Variants in KRT9 observed in about 807,000 individuals in gnomAD.
KRT9 encodes the protein keratin 9.
Under a neutral mutation model 51.4 loss-of-function variants are expected in KRT9, and 34 were observed. The observed-to-expected ratio is 0.66, with a 90% CI of 0.50 to 0.88. KRT9 has a LOEUF of 0.88. Ranked by LOEUF, KRT9 falls within the 40% of genes least tolerant of loss-of-function variation. The pLI, the probability that KRT9 is intolerant of heterozygous loss-of-function variation, is 0.00. For synonymous variants in KRT9, 292 were observed against 289.7 expected (o/e 1.01, Z -0.08); for missense variants, 753 against 790.3 (o/e 0.95, Z 0.57).
intron 7 of KRT9, among the ~76,000 whole-genome samples, chr17:41,566,364 G>C (rs1053587355): frequency 6.6e-6 from 1 of 152,150 alleles, no homozygotes; most frequent in Non-Finnish European, 1.5e-5. Context: ...CCTGACAGAT[G>C]CACCCCCAAG....
In KRT9 at chr17:41,572,003, G is replaced by C; in HGVS notation, c.-11C>G. Reference sequence around the variant, plus strand: ...CTGTCTGCAGCTCATGACACAGCTGGTAGCTCACGGGTTGAGAAGCAGTGA... The same window carrying C: ...CTGTCTGCAGCTCATGACACAGCTGCTAGCTCACGGGTTGAGAAGCAGTGA... On this transcript the variant is annotated 5_prime_UTR_variant, in exon 1 of 8. Transcript: ENST00000246662. 1 of 1,568,402 alleles carries C rather than the reference G, an allele frequency of 6.4e-7. No homozygotes were observed.
intron 6 of KRT9, 99 bp downstream of exon 6, chr17:41,568,063 G>A: frequency 3.5e-6 from 4 of 1,129,290 alleles, no homozygotes. Context: ...AAGACCCTGT[G>A]TATAAGAACT....
rs1419114305 is a variant in KRT9, at chr17:41,567,757, A to C, written c.1395-7T>G. The C allele has an allele frequency of 5.6e-6, 9 of 1,614,188 alleles. No homozygotes were observed. Among genetic ancestry groups the C allele is most frequent in the Non-Finnish European group, 7.6e-6 (9 of 1,180,036 alleles). On this transcript the variant is annotated splice_polypyrimidine_tract_variant and splice_region_variant and intron_variant, in intron 6 of 7. Coordinates refer to ENST00000246662, the MANE Select transcript of KRT9 (RefSeq NM_000226.4). ...TCCAGCTCCGGAGGATTCACTAAGA[A>C]AGAAAGAAAACAAGAGAGTTAAAAT...
At position 41,570,165 on chromosome 17, in the gene KRT9, C is replaced by T. The variant is rs775722807; in HGVS notation, c.698G>A (p.Arg233His). 9 of 1,613,986 alleles carry T rather than the reference C, an allele frequency of 5.6e-6. No homozygotes were observed. Among genetic ancestry groups the T allele is most frequent in the Middle Eastern group, 1.6e-4 (1 of 6,062 alleles). ...NKTLLDIDNT[R>H]MTLDDFRIKF... ...TATCCTGAAGTCATCCAGTGTCATG[C>T]GAGTGTTGTCAATGTCCAGGAGAGT... Residue 233 changes from arginine to histidine, a missense_variant, in exon 2 of 8, where the codon CGC becomes CAC. Physicochemically the swap from Arg to His is conservative, Grantham distance 29. Around this residue, in one of 3 missense-constraint regions of KRT9, gnomAD observed 507 missense variants for 563.7 expected, o/e 0.90. Transcript: ENST00000246662.
Position 41,569,537 on chromosome 17 carries a change from T to C in KRT9, c.933A>G (p.Ile311Met). Residue 311 changes from isoleucine (I) to methionine (M), a missense_variant, in exon 4 of 8, where the codon ATA becomes ATG. Around this residue, in one of 3 missense-constraint regions of KRT9, gnomAD observed 507 missense variants for 563.7 expected, o/e 0.90. Coordinates refer to ENST00000246662, the MANE Select transcript of KRT9 (RefSeq NM_000226.4). The part of the protein sequence containing the change: ...GQNSGDVNVE[I>M]NVAPGKDLTK... The stretch of plus-strand genomic sequence containing the variant: ...TGAGATCTTTGCCAGGAGCAACGTT[T>C]ATCTCCACATTGACATCTCCACTGT... 1.2e-6 allele frequency: 2 copies of C among 1,614,168 alleles called. No individual in the cohort carries two copies. Among genetic ancestry groups the C allele is most frequent in the Non-Finnish European group, 1.7e-6 (2 of 1,180,032 alleles).
intron 7 of KRT9, among the ~76,000 whole-genome samples, chr17:41,566,707 T>A (rs747991768): frequency 2.6e-5 from 4 of 152,250 alleles, no homozygotes; most frequent in Non-Finnish European, 5.9e-5. Context: ...CTTTCTTACA[T>A]TTAGATTATG....
At chr17:41,568,911 TACACACACACACACACACACAC>T (rs5820419) in intron 4 of KRT9, among the ~76,000 whole-genome samples, 84 of 133,840 alleles carry the variant, frequency 6.3e-4, no homozygotes, top group African/African-American at 2.2e-3. Context: ...CTTTCAAACA[TACACACACACACACACACACAC>T]ACACACACAC....
chr17:41,571,476 C>A lies in KRT9; in HGVS notation c.517G>T (p.Ala173Ser), dbSNP rs963980597. 1 of 1,614,060 alleles carries A rather than the reference C, an allele frequency of 6.2e-7. No homozygotes were observed. The highest frequency in any genetic ancestry group is 8.5e-7 in the Non-Finnish European group (1 of 1,180,014). The part of the protein sequence containing the change: ...RLASYLDKVQ[A>S]LEEANNDLEN... ...AGGTCGTTGTTGGCCTCCTCTAGAG[C>A]CTGCACCTTATCCAAGTAAGAGGCC... The change falls in exon 1 of 8, where the codon GCT (alanine) becomes TCT (serine). Residue 173 changes from alanine to serine, a missense_variant. By Grantham distance (99) the Ala-to-Ser change is moderately conservative (BLOSUM62 1). Coordinates refer to ENST00000246662, the MANE Select transcript of KRT9 (RefSeq NM_000226.4).
chr17:41,569,658 G>A lies in KRT9; in HGVS notation c.883-71C>T. The A allele has an allele frequency of 5.1e-6, 8 of 1,583,010 alleles. No individual in the cohort carries two copies. In the South Asian group the frequency reaches 8.8e-5, roughly 18 times the overall value. ...CACCACCTTTCAGAATTCTCCCTCT[G>A]GTCCCCCCAGGGTACAAAAAGGGGA... is the stretch of plus-strand genomic sequence containing the variant. On this transcript the variant is annotated intron_variant, in intron 3 of 7. Coordinates refer to ENST00000246662, the MANE Select transcript of KRT9 (RefSeq NM_000226.4).
rs763859384 is a variant in KRT9, at chr17:41,568,650, T to C, written c.1045-17A>G. ...CTGGGTTATCTGCAAAACCAAAGGC[T>C]CAGTAAGCATCAGGCTGTGCCAGGA... is the stretch of plus-strand genomic sequence containing the variant. On this transcript the variant is annotated splice_polypyrimidine_tract_variant and intron_variant, in intron 4 of 7. Coordinates refer to ENST00000246662, the MANE Select transcript of KRT9 (RefSeq NM_000226.4). The C allele has an allele frequency of 6.2e-6, 10 of 1,613,878 alleles. No individual in the cohort carries two copies. The highest frequency in any genetic ancestry group is 1.3e-5 in the African/African-American group (1 of 74,838).
Position 41,571,574 on chromosome 17 carries a change from C to A in KRT9, c.419G>T (p.Gly140Val), listed in dbSNP as rs1312674331. ...AATACCACCATCACCTCCTCCAGCA[C>A]CACCTCCAAAGCCCCCAAACCCCCC... Reference protein sequence around the residue: ...GFGGFGGFGGGAGGGDGGILT... With the variant: ...GFGGFGGFGGVAGGGDGGILT... The change falls in exon 1 of 8, where the codon GGT becomes GTT. Residue 140 changes from glycine (G) to valine (V), a missense_variant. Gly to Val is a moderately radical substitution (Grantham distance 109). This residue lies in a region of KRT9 where 241 missense variants were observed against 210.3 expected (regional missense o/e 1.15). Coordinates refer to ENST00000246662, the MANE Select transcript of KRT9 (RefSeq NM_000226.4). 4 of 1,609,150 alleles carry A rather than the reference C, an allele frequency of 2.5e-6. No individual in the cohort carries two copies. In the African/African-American group the frequency reaches 4.0e-5, roughly 16 times the overall value.
Position 41,568,154 on chromosome 17 carries a change from G to C in KRT9, c.1394+8C>G, listed in dbSNP as rs761668776. 45 of 1,611,502 alleles carry C rather than the reference G, an allele frequency of 2.8e-5. 1 individual carries two copies. The Admixed American group carries it at 7.5e-4, about 27-fold the overall frequency. ...CCCAGGGGTTCCACCAAATCCTGGG[G>C]GACCTACAAGTCTTCCTGGCCTCCC... is the stretch of plus-strand genomic sequence containing the variant. On this transcript the variant is annotated splice_region_variant and intron_variant, in intron 6 of 7. Transcript: ENST00000246662.
At chr17:41,569,124 G>T (rs758137306) in intron 4 of KRT9, among the ~76,000 whole-genome samples, 1 of 152,216 alleles carries the variant, frequency 6.6e-6, no homozygotes, top group Non-Finnish European at 1.5e-5. Context: ...TTCTGCTTTT[G>T]TTCACACACA....
In KRT9 at chr17:41,569,549, G is replaced by A. The variant is rs1907002558; in HGVS notation, c.921C>T (p.Val307=). Residue 307 remains valine (V), a synonymous_variant, in exon 4 of 8, where the codon GTC becomes GTT. Coordinates refer to ENST00000246662, the MANE Select transcript of KRT9 (RefSeq NM_000226.4). ...SQLTGQNSGD[V]NVEINVAPGK... ...CAGGAGCAACGTTTATCTCCACATT[G>A]ACATCTCCACTGTTCTGCCCAGTCA... 1.2e-6 allele frequency: 2 copies of A among 1,613,956 alleles called. No individual in the cohort carries two copies. Among genetic ancestry groups the A allele is most frequent in the African/African-American group, 2.7e-5 (2 of 74,926 alleles).
At position 41,571,436 on chromosome 17, in the gene KRT9, T is replaced by C. The variant is rs1167959519; in HGVS notation, c.557A>G (p.Gln186Arg). The C allele has an allele frequency of 1.2e-6, 2 of 1,614,084 alleles. No homozygotes were observed. Among genetic ancestry groups the C allele is most frequent in the Non-Finnish European group, 1.7e-6 (2 of 1,180,002 alleles). Residue 186 changes from glutamine to arginine, a missense_variant, in exon 1 of 8, where the codon CAG (glutamine) becomes CGG (arginine). Physicochemically the swap from Gln to Arg is conservative, Grantham distance 43 (BLOSUM62 1). Around this residue, in one of 3 missense-constraint regions of KRT9, gnomAD observed 507 missense variants for 563.7 expected, o/e 0.90. Coordinates refer to ENST00000246662, the MANE Select transcript of KRT9 (RefSeq NM_000226.4). ...EANNDLENKI[Q>R]DWYDKKGPAA... ...AGGTCCCTTCTTGTCGTACCAATCC[T>C]GGATCTTATTCTCCAGGTCGTTGTT...
chr17:41,567,470 C>T lies in KRT9; in HGVS notation c.1675G>A (p.Gly559Arg). 6.5e-7 allele frequency: 1 copy of T among 1,549,572 alleles called. No homozygotes were observed. Among genetic ancestry groups the T allele is most frequent in the Non-Finnish European group, 8.7e-7 (1 of 1,147,350 alleles). The change falls in exon 7 of 8, where the codon GGA (glycine) becomes AGA (arginine). Residue 559 changes from glycine to arginine, a missense_variant. Gly to Arg is a moderately radical substitution (Grantham distance 125, BLOSUM62 -2). Around this residue, in one of 3 missense-constraint regions of KRT9, gnomAD observed 507 missense variants for 563.7 expected, o/e 0.90. Coordinates refer to ENST00000246662, the MANE Select transcript of KRT9 (RefSeq NM_000226.4). ...GHSGGSGGNY[G>R]GGSGSGGGSG... ...CCTCCTCCAGAGCCACTTCCTCCTC[C>T]ATAGTTGCCCCCACTTCCTCCACTA...
Position 41,571,940 on chromosome 17 carries a change from C to A in KRT9, c.53G>T (p.Gly18Val), listed in dbSNP as rs1162126966. ...GCCCCCGCTGCCCAGGCCGCCCCCGCCACCCCCGCCGCTGCGGCTCAAGTA... is the reference window on the plus strand; with the variant it reads ...GCCCCCGCTGCCCAGGCCGCCCCCGACACCCCCGCCGCTGCGGCTCAAGTA... Reference protein sequence around the residue: ...SSYLSRSGGGGGGGLGSGGSI... With the variant: ...SSYLSRSGGGVGGGLGSGGSI... The change falls in exon 1 of 8, where the codon GGC (glycine) becomes GTC (valine). Residue 18 changes from glycine (G) to valine (V), a missense_variant. This residue lies in a region of KRT9 where 241 missense variants were observed against 210.3 expected (regional missense o/e 1.15). Transcript: ENST00000246662. 4 of 1,577,834 alleles carry A rather than the reference C, an allele frequency of 2.5e-6. No individual in the cohort carries two copies. The African/African-American group carries it at 4.0e-5, about 16-fold the overall frequency.
Position 41,569,913 on chromosome 17 carries a change from C to A in KRT9, c.828G>T (p.Met276Ile). The part of the protein sequence containing the change: ...NLTMEKSDLE[M>I]QYETLQEELM... ...GCTCCTCCTGCAGAGTCTCATACTG[C>A]ATCTCCAGGTCAGACTTCTCCATGG... The change falls in exon 3 of 8, where the codon ATG becomes ATT. Residue 276 changes from methionine (M) to isoleucine (I), a missense_variant. Around this residue, in one of 3 missense-constraint regions of KRT9, gnomAD observed 507 missense variants for 563.7 expected, o/e 0.90. Transcript: ENST00000246662. 5 of 1,614,216 alleles carry A rather than the reference C, an allele frequency of 3.1e-6. No homozygotes were observed. Among genetic ancestry groups the A allele is most frequent in the Non-Finnish European group, 4.2e-6 (5 of 1,180,034 alleles).
rs190630010 is a variant in KRT9 at position 41,567,233 on chromosome 17, C to T, written c.*40G>A. Reference sequence around the variant, plus strand: ...CCCACAACCTAGGATTGTCCCTTACCTTTTGTCTCATCTTGGTCACCAGAT... The same window carrying T: ...CCCACAACCTAGGATTGTCCCTTACTTTTTGTCTCATCTTGGTCACCAGAT... On this transcript the variant is annotated splice_region_variant and 3_prime_UTR_variant, in exon 7 of 8. Transcript: ENST00000246662. 1 of 1,613,878 alleles carries T rather than the reference C, an allele frequency of 6.2e-7. No individual in the cohort carries two copies. Among genetic ancestry groups the T allele is most frequent in the Non-Finnish European group, 8.5e-7 (1 of 1,180,022 alleles).
Sources: gnomAD v4.1 joint callset for allele counts (sites outside exome capture counted in the v4.1 genomes callset) on GRCh38, gnomAD v4.1.1 for gene constraint, gnomAD v4.1.1 regional missense constraint, MANE v1.5 for transcripts, NCBI Gene and HGNC (gene_info 2026-07-23, HGNC 2026-07-21) for gene names.